The following KMT2C variants were observed in gnomAD, a reference collection of about 807,000 sequenced individuals.
KMT2C encodes histone-lysine N-methyltransferase 2C.
Under a neutral mutation model 507.9 loss-of-function variants are expected in KMT2C, and 88 were observed. The observed-to-expected ratio is 0.17, with a 90% CI of 0.15 to 0.21. KMT2C has a LOEUF of 0.21. KMT2C is among the 10% of genes least tolerant of loss of function. The pLI is 1.00. For missense variants in KMT2C, 4,954 were observed against 5,957.8 expected (o/e 0.83, Z 5.55); for synonymous variants, 2,049 against 2,080.8 (o/e 0.98, Z 0.42).
At chr7:152,332,989 T>C (rs980383125) in intron 2 of KMT2C, among the ~76,000 whole-genome samples, 10 of 152,108 alleles carry the variant, frequency 6.6e-5, no homozygotes, top group African/African-American at 2.4e-4. Flanking sequence ...AAAAGTTCAC[T>C]TCACACCAGG....
chr7:152,432,208 AC>A (rs994438180), intron 1 of KMT2C, among the ~76,000 whole-genome samples: 1 of 151,968 alleles, frequency 6.6e-6, no homozygotes, highest in Non-Finnish European at 1.5e-5. Flanking sequence ...CTGTACAACC[AC>A]CCCCATCCCC....
intron 9 of KMT2C, among the ~76,000 whole-genome samples, chr7:152,260,502 G>C (rs2095750854): frequency 6.6e-6 from 1 of 152,000 alleles, no homozygotes; most frequent in African/African-American, 2.4e-5. Context: ...AAAGGTGCTG[G>C]GGTGGCGTGG....
At chr7:152,160,613 T>TTATA (rs150199893) in intron 43 of KMT2C, among the ~76,000 whole-genome samples, 1 of 147,452 alleles carries the variant, frequency 6.8e-6, no homozygotes, top group Admixed American at 6.8e-5. Flanking sequence ...TAAAAATTAA[T>TTATA]TATATATATA....
At chr7:152,318,626 CAAAAAAAA>C (rs67446037) in intron 3 of KMT2C, among the ~76,000 whole-genome samples, 1 of 54,416 alleles carries the variant, frequency 1.8e-5, no homozygotes, top group Admixed American at 2.1e-4. Context: ...GACTCCATCT[CAAAAAAAA>C]AAAAAAAAAA....
intron 1 of KMT2C, among the ~76,000 whole-genome samples, chr7:152,361,122 A>C (rs1347173988): frequency 2.6e-5 from 4 of 152,138 alleles, no homozygotes; most frequent in South Asian, 2.1e-4. Flanking sequence ...CAAACTTCAC[A>C]GGGGGAAAGG....
chr7:152,319,580 T>A (rs1278437220), intron 3 of KMT2C, among the ~76,000 whole-genome samples: 2 of 151,858 alleles, frequency 1.3e-5, no homozygotes, highest in East Asian at 1.9e-4. Context: ...TAAACTCTTT[T>A]AGAGTTTAGA....
chr7:152,257,613 T>C (rs1172602368), intron 9 of KMT2C, among the ~76,000 whole-genome samples: 3 of 152,206 alleles, frequency 2.0e-5, no homozygotes, highest in East Asian at 1.9e-4. Flanking sequence ...AGAATTTTTA[T>C]TGTAGAAGAA....
chr7:152,166,449 G>T (rs1437830742), intron 42 of KMT2C, among the ~76,000 whole-genome samples: 1 of 151,960 alleles, frequency 6.6e-6, no homozygotes, highest in African/African-American at 2.4e-5. Context: ...ATTTACTTGG[G>T]TAAATATACC....
At chr7:152,393,850 T>C (rs577736096) in intron 1 of KMT2C, among the ~76,000 whole-genome samples, 1 of 141,798 alleles carries the variant, frequency 7.1e-6, no homozygotes, top group African/African-American at 2.7e-5. Context: ...TGAGCCGAGA[T>C]CGTGCCATTG....
Position 152,252,726 on chromosome 7 carries a change from G to T in KMT2C, c.1300-11C>A. 6.4e-7 allele frequency: 1 copy of T among 1,566,066 alleles called. No individual in the cohort carries two copies. Among genetic ancestry groups the T allele is most frequent in the South Asian group, 1.2e-5 (1 of 85,124 alleles). On this transcript the variant is annotated splice_polypyrimidine_tract_variant and intron_variant, in intron 9 of 58. Transcript: ENST00000262189. ...ACATATTCTGCAATTCTAAACACCA[G>T]GAAAAATAAAAACAAAAACAGTTTG...
In KMT2C at chr7:152,322,032, T is replaced by TA. The variant is rs561078529; in HGVS notation, c.390-6695dup. ...ATTTCAAAACATTACAAAATGATTG[T>TA]AATCAAAATAGTATGGTACTGGCAC... On this transcript the variant is annotated intron_variant, in intron 3 of 58. Coordinates refer to ENST00000262189, the MANE Select transcript of KMT2C (RefSeq NM_170606.3). Among the ~76,000 whole-genome samples, 486 of 150,942 alleles carry TA rather than the reference T, an allele frequency of 3.2e-3. 7 individuals are homozygous for TA. The Middle Eastern group carries it at 0.045, about 14-fold the overall frequency.
chr7:152,212,401 C>T (rs555481587), intron 23 of KMT2C, among the ~76,000 whole-genome samples: 3 of 152,130 alleles, frequency 2.0e-5, no homozygotes, highest in Non-Finnish European at 2.9e-5. Flanking sequence ...CACTTATATT[C>T]AACATAGTCC....
intron 1 of KMT2C, among the ~76,000 whole-genome samples, chr7:152,379,894 G>A (rs537085579): frequency 6.6e-6 from 1 of 152,418 alleles, no homozygotes; most frequent in South Asian, 2.1e-4. Flanking sequence ...CCATGGGTTC[G>A]AGACCAGCCT....
chr7:152,280,974 A>G (rs2096198152), intron 6 of KMT2C, among the ~76,000 whole-genome samples: 1 of 152,204 alleles, frequency 6.6e-6, no homozygotes, highest in Non-Finnish European at 1.5e-5. Context: ...CTAAAAAAAT[A>G]GGAGAGGCAA....
intron 15 of KMT2C, among the ~76,000 whole-genome samples, chr7:152,238,115 C>T (rs2095316494): frequency 6.6e-6 from 1 of 152,272 alleles, no homozygotes. Context: ...AGCCATATTC[C>T]AGAATATTAA....
intron 6 of KMT2C, among the ~76,000 whole-genome samples, chr7:152,298,088 ACTAG>A (rs1271512304): frequency 6.6e-6 from 1 of 152,138 alleles, no homozygotes; most frequent in Non-Finnish European, 1.5e-5. Context: ...AAGAACAGAC[ACTAG>A]CTAAAGTACA....
chr7:152,187,815 G>A lies in KMT2C; in HGVS notation c.4693C>T (p.Leu1565Phe). 1 of 1,613,852 alleles carries A rather than the reference G, an allele frequency of 6.2e-7. No individual in the cohort carries two copies. ...GGGAGATGAGGACTGGATCCAATAA[G>A]GCCATTCATGAGAGGCATCCGTGAA... is the stretch of plus-strand genomic sequence containing the variant. ...AFSRMPLMNG[L>F]IGSSPHLPHN... Residue 1565 changes from leucine to phenylalanine, a missense_variant, in exon 32 of 59, where the codon CTT becomes TTT. Coordinates refer to ENST00000262189, the MANE Select transcript of KMT2C (RefSeq NM_170606.3).
At chr7:152,204,652 T>C (rs928044094) in intron 25 of KMT2C, among the ~76,000 whole-genome samples, 1 of 149,886 alleles carries the variant, frequency 6.7e-6, no homozygotes, top group Non-Finnish European at 1.5e-5. Context: ...GACAGATACA[T>C]AAATAGATAA....
Position 152,162,938 on chromosome 7 carries a change from A to G in KMT2C, c.10639T>C (p.Ser3547Pro), listed in dbSNP as rs78004519. ...GGTGTAAAAGAAGGCCTCACTGGGG[A>G]CTGCTGGAAGCTGGTCCCAGAAAGA... The part of the protein sequence containing the change: ...GNLSGTSFQQ[S>P]PVRPSFTPAL... Residue 3547 changes from serine to proline, a missense_variant, in exon 43 of 59, where the codon TCC becomes CCC. Physicochemically the swap from Ser to Pro is moderately conservative, Grantham distance 74. Around this residue, in one of 29 missense-constraint regions of KMT2C, gnomAD observed 801 missense variants for 751.2 expected, o/e 1.07. Transcript: ENST00000262189. 6.4e-4 allele frequency: 1,026 copies of G among 1,614,118 alleles called. 11 individuals are homozygous for G. The East Asian group carries it at 0.011, about 18-fold the overall frequency.
Sources: allele counts gnomAD v4.1 joint callset (sites outside exome capture counted in the v4.1 genomes callset), GRCh38; gene constraint gnomAD v4.1.1; regional missense constraint gnomAD v4.1.1; transcripts MANE v1.5; gene names NCBI Gene and HGNC (gene_info 2026-07-23, HGNC 2026-07-21).